Variants in FSTL4 observed in about 807,000 individuals in gnomAD.
FSTL4 encodes follistatin like 4.
A neutral mutation model predicts 78.2 loss-of-function variants in FSTL4; 28 were observed. The observed-to-expected ratio is 0.36, with a 90% confidence interval of 0.27 to 0.49. FSTL4 has a LOEUF of 0.49. FSTL4 is among the 20% of genes least tolerant of loss of function. The pLI is 0.98. For missense variants in FSTL4, 922 were observed against 1,084.9 expected (o/e 0.85, Z 2.11); for synonymous variants, 422 against 440.5 (o/e 0.96, Z 0.53).
At chr5:133,811,764 C>T in the FSTL4 span, among the ~76,000 whole-genome samples, 1 of 152,212 alleles carries the variant, frequency 6.6e-6, no homozygotes, top group African/African-American at 2.4e-5. Flanking sequence ...TCTACCCTCA[C>T]ACCCCTGGGG....
chr5:133,210,501 T>A (rs187557419), intron 13 of FSTL4, among the ~76,000 whole-genome samples: 2 of 135,202 alleles, frequency 1.5e-5, no homozygotes, highest in African/African-American at 5.5e-5. Context: ...ATTATTATTA[T>A]TAATTTTTGA....
chr5:133,742,997 G>C, the FSTL4 span, among the ~76,000 whole-genome samples: 1 of 152,138 alleles, frequency 6.6e-6, no homozygotes, highest in Non-Finnish European at 1.5e-5. Context: ...GATTAGCAAA[G>C]AAAATATTTG....
the FSTL4 span, among the ~76,000 whole-genome samples, chr5:133,787,378 T>A: frequency 3.6e-4 from 55 of 152,232 alleles, no homozygotes; most frequent in African/African-American, 1.3e-3. Flanking sequence ...TTAAAGGAGA[T>A]GGACACCAGC....
chr5:133,665,487 C>T, the FSTL4 span, among the ~76,000 whole-genome samples: 1 of 152,194 alleles, frequency 6.6e-6, no homozygotes, highest in African/African-American at 2.4e-5. Context: ...AGTAAGGGAG[C>T]ACCCAGATAT....
At chr5:133,529,746 A>G (rs1759212092) in intron 3 of FSTL4, among the ~76,000 whole-genome samples, 1 of 152,186 alleles carries the variant, frequency 6.6e-6, no homozygotes, top group Non-Finnish European at 1.5e-5. Flanking sequence ...GCTTCGTTGA[A>G]GACTCACCCT....
the FSTL4 span, among the ~76,000 whole-genome samples, chr5:133,785,224 C>T: frequency 8.5e-5 from 13 of 152,210 alleles, no homozygotes; most frequent in Non-Finnish European, 1.5e-5. Flanking sequence ...GCCCCTGTTC[C>T]TTCCTGATGG....
chr5:133,798,964 G>GGGAGGGAGGAAGGGAGGGAGGGAT, the FSTL4 span, among the ~76,000 whole-genome samples: 589 of 115,708 alleles, frequency 5.1e-3, 72 homozygotes, highest in African/African-American at 0.022. Context: ...GAGGGAGGGA[G>GGGAGGGAGGAAGGGAGGGAGGGAT]GGAGGAAGGG....
chr5:133,323,356 C>G (rs983159382), intron 4 of FSTL4, among the ~76,000 whole-genome samples: 7 of 152,172 alleles, frequency 4.6e-5, no homozygotes, highest in African/African-American at 7.2e-5. Flanking sequence ...AAGTGGTTGG[C>G]GAGGCCTGGG....
At chr5:133,688,876 G>T in the FSTL4 span, among the ~76,000 whole-genome samples, 2 of 152,158 alleles carry the variant, frequency 1.3e-5, no homozygotes, top group East Asian at 3.9e-4. Flanking sequence ...GGAGCCCCAC[G>T]CCAGGCGAAC....
At chr5:133,398,519 G>A (rs1163174979) in intron 4 of FSTL4, among the ~76,000 whole-genome samples, 7 of 152,196 alleles carry the variant, frequency 4.6e-5, no homozygotes, top group African/African-American at 1.7e-4. Context: ...CCTTGCTCCT[G>A]CCTCTGCGTT....
At chr5:133,570,088 A>G (rs1760117347) in intron 2 of FSTL4, among the ~76,000 whole-genome samples, 1 of 151,834 alleles carries the variant, frequency 6.6e-6, no homozygotes, top group Admixed American at 6.6e-5. Context: ...GGGCGCCTGT[A>G]GTCCCAGCTA....
At chr5:133,262,050 AT>A (rs1451964251) in intron 6 of FSTL4, among the ~76,000 whole-genome samples, 2 of 152,076 alleles carry the variant, frequency 1.3e-5, no homozygotes, top group African/African-American at 4.8e-5. Context: ...ATACCCAATT[AT>A]AAATGGGACC....
At chr5:133,548,313 C>T (rs1211815784) in intron 3 of FSTL4, among the ~76,000 whole-genome samples, 1 of 151,938 alleles carries the variant, frequency 6.6e-6, no homozygotes, top group Non-Finnish European at 1.5e-5. Context: ...CTATGGTTAG[C>T]GTTTGAAGTG....
chr5:133,487,752 C>G (rs1758166237), intron 3 of FSTL4, among the ~76,000 whole-genome samples: 1 of 152,154 alleles, frequency 6.6e-6, no homozygotes, highest in Non-Finnish European at 1.5e-5. Context: ...GCTGACCACC[C>G]CCAGCAACTG....
chr5:133,793,941 G>A, the FSTL4 span, among the ~76,000 whole-genome samples: 1 of 152,180 alleles, frequency 6.6e-6, no homozygotes, highest in Non-Finnish European at 1.5e-5. Context: ...ATTTGTAGAC[G>A]CCCAGTTTCC....
Position 133,250,054 on chromosome 5 carries a change from G to A in FSTL4, c.728-478C>T, listed in dbSNP as rs561596687. Among the ~76,000 whole-genome samples the A allele has an allele frequency of 7.4e-4, 112 of 152,360 alleles. 2 individuals carry two copies. Among genetic ancestry groups the A allele is most frequent in the African/African-American group, 2.6e-3 (107 of 41,584 alleles). On this transcript the variant is annotated intron_variant, in intron 6 of 15. Transcript: ENST00000265342. ...TAAAGGTTGCGCTGTCTGAAGTCTGGGGAATGAACTGGCTGATCTTTGAAG... is the reference window on the plus strand; with the variant it reads ...TAAAGGTTGCGCTGTCTGAAGTCTGAGGAATGAACTGGCTGATCTTTGAAG...
At chr5:133,682,578 G>A in the FSTL4 span, among the ~76,000 whole-genome samples, 35 of 152,322 alleles carry the variant, frequency 2.3e-4, no homozygotes, top group Non-Finnish European at 2.8e-4. Context: ...ATAGCAAGGG[G>A]CTGCCCTGGA....
intron 3 of FSTL4, among the ~76,000 whole-genome samples, chr5:133,496,982 C>G (rs1294461473): frequency 6.6e-6 from 1 of 152,190 alleles, no homozygotes; most frequent in Non-Finnish European, 1.5e-5. Context: ...TCACTTGTCC[C>G]CTAGGGGTAC....
upstream of FSTL4, among the ~76,000 whole-genome samples, chr5:133,614,727 C>A (rs1461939273): frequency 6.6e-6 from 1 of 152,056 alleles, no homozygotes; most frequent in Non-Finnish European, 1.5e-5. Context: ...TTCTCAATAG[C>A]CAACTAGGAT....
Sources: allele counts gnomAD v4.1 joint callset (sites outside exome capture counted in the v4.1 genomes callset), GRCh38; gene constraint gnomAD v4.1.1; transcripts MANE v1.5; gene names NCBI Gene and HGNC (gene_info 2026-07-23, HGNC 2026-07-21).